Variants in MPHOSPH8 observed in about 807,000 individuals in gnomAD.
MPHOSPH8 encodes M-phase phosphoprotein, mpp.
MPHOSPH8 carries 45 observed loss-of-function variants against 87.3 expected under a neutral mutation model. That is an observed-to-expected ratio of 0.52 (90% CI 0.41 to 0.66). The LOEUF (loss-of-function observed/expected upper bound fraction) is 0.66, where lower values mean the gene tolerates loss of function less well. Ranked by LOEUF, MPHOSPH8 falls within the 30% of genes least tolerant of loss-of-function variation. MPHOSPH8 has a pLI of 0.00. For missense variants in MPHOSPH8, 883 were observed against 1,020.2 expected (o/e 0.87, Z 1.83); for synonymous variants, 366 against 376.9 (o/e 0.97, Z 0.33).
In MPHOSPH8 at chr13:19,659,740, T is replaced by G. The variant is rs373739984; in HGVS notation, c.1791+451T>G. ...GAACCCTATAAATGTACAATTATAGTCCCTTTAATTCCAACCCCCTCCCCT... is the reference window on the plus strand; with the variant it reads ...GAACCCTATAAATGTACAATTATAGGCCCTTTAATTCCAACCCCCTCCCCT... On this transcript the variant is annotated intron_variant, in intron 7 of 13. Coordinates refer to ENST00000361479, the MANE Select transcript of MPHOSPH8 (RefSeq NM_017520.4). The G allele has an allele frequency of 2.2e-5, 8 of 367,336 alleles. No homozygotes were observed. In the East Asian group the frequency reaches 3.8e-4, roughly 17 times the overall value. The allele number at this position is 367,336 out of a possible 1,614,324, so 22.8% of individuals were successfully genotyped here. A position where few individuals can be genotyped will look rare whatever the true frequency, so the allele number is the denominator to read the frequency against.
chr13:19,653,185 G>A (rs955452423), intron 5 of MPHOSPH8, among the ~76,000 whole-genome samples: 11 of 152,290 alleles, frequency 7.2e-5, no homozygotes, highest in East Asian at 3.9e-4. Context: ...GGAGAGCTCC[G>A]GCTGGCATCT....
intron 9 of MPHOSPH8, among the ~76,000 whole-genome samples, chr13:19,665,527 T>TGCA (rs1875766024): frequency 6.6e-6 from 1 of 152,146 alleles, no homozygotes; most frequent in African/African-American, 2.4e-5. Context: ...CCCTAACCTC[T>TGCA]GCACTGGATG....
intron 8 of MPHOSPH8, among the ~76,000 whole-genome samples, chr13:19,662,536 A>G (rs1364302529): frequency 6.6e-6 from 1 of 152,334 alleles, no homozygotes; most frequent in African/African-American, 2.4e-5. Flanking sequence ...CACCGCACCC[A>G]GCTGGAGTAA....
intron 5 of MPHOSPH8, among the ~76,000 whole-genome samples, chr13:19,650,746 G>A (rs1261266906): frequency 8.3e-6 from 1 of 120,464 alleles, no homozygotes; most frequent in African/African-American, 2.5e-5. Flanking sequence ...GTACATACAT[G>A]TTTATAACTA....
At chr13:19,669,394 GT>G (rs1216161219) in intron 11 of MPHOSPH8, among the ~76,000 whole-genome samples, 2 of 152,002 alleles carry the variant, frequency 1.3e-5, no homozygotes, top group Non-Finnish European at 2.9e-5. Flanking sequence ...GCATTGCCAG[GT>G]ATGAGTACCA....
In MPHOSPH8 at chr13:19,670,244, A is replaced by G. The variant is rs1301871728; in HGVS notation, c.2338A>G (p.Ile780Val). ...PPQNIPEGSG[I>V]LLFIFHANFL... ...ACATCTCCCATTTTCAGGCTCTGGCATCCTGCTGTTTATCTTCCATGCAAA... is the reference window on the plus strand; with the variant it reads ...ACATCTCCCATTTTCAGGCTCTGGCGTCCTGCTGTTTATCTTCCATGCAAA... Residue 780 changes from isoleucine (I) to valine (V), a missense_variant, in exon 12 of 14, where the codon ATC becomes GTC. By Grantham distance (29) the Ile-to-Val change is conservative. Transcript: ENST00000361479. The G allele has an allele frequency of 6.2e-7, 1 of 1,614,152 alleles. No homozygotes were observed. The highest frequency in any genetic ancestry group is 1.7e-5 in the Admixed American group (1 of 60,032).
chr13:19,654,668 G>T (rs964117896), intron 5 of MPHOSPH8, among the ~76,000 whole-genome samples: 1 of 152,142 alleles, frequency 6.6e-6, no homozygotes, highest in East Asian at 1.9e-4. Flanking sequence ...ATAAGAAAAG[G>T]CCGGGCGCAG....
intron 1 of MPHOSPH8, 75 bp from the exon 2 acceptor site, chr13:19,642,040 G>GTT (rs35022508): frequency 0.44 from 240,317 of 547,824 alleles, 36,793 homozygotes; most frequent in Admixed American, 0.61. Flanking sequence ...CTTCTCATCA[G>GTT]TTTTTTTTTT....
Position 19,672,125 on chromosome 13 carries a change from A to C in MPHOSPH8, c.*250A>C, listed in dbSNP as rs540452593. On this transcript the variant is annotated 3_prime_UTR_variant, in exon 14 of 14. Transcript: ENST00000361479. ...AATGTGGATAGTACATATGAGGATT[A>C]TTTAAGAAAATTAAAGACTTCACTT... is the stretch of plus-strand genomic sequence containing the variant. The C allele has an allele frequency of 1.1e-4, 47 of 435,558 alleles. No individual in the cohort carries two copies. Among genetic ancestry groups the C allele is most frequent in the African/African-American group, 9.3e-4 (47 of 50,602 alleles). The allele number at this position is 435,558 out of a possible 1,614,324, so 27.0% of individuals were successfully genotyped here.
intron 1 of MPHOSPH8, among the ~76,000 whole-genome samples, chr13:19,639,317 T>TC (rs982676971): frequency 1.1e-4 from 17 of 151,588 alleles, no homozygotes; most frequent in African/African-American, 4.1e-4. Flanking sequence ...ATGTCTTTTT[T>TC]TTTTTTCTTT....
Position 19,673,295 on chromosome 13 carries a change from C to T in MPHOSPH8, c.*1420C>T, listed in dbSNP as rs1876259815. 2.8e-6 allele frequency: 1 copy of T among 358,350 alleles called. No homozygotes were observed. The highest frequency in any genetic ancestry group is 4.1e-4 in the Middle Eastern group (1 of 2,468). The allele number at this position is 358,350 out of a possible 1,614,324, so 22.2% of individuals were successfully genotyped here. On this transcript the variant is annotated 3_prime_UTR_variant, in exon 14 of 14. Coordinates refer to ENST00000361479, the MANE Select transcript of MPHOSPH8 (RefSeq NM_017520.4). Reference sequence around the variant, plus strand: ...TGGAGAAGTTGAAAATTGTTTTGTTCCTCATTAGTTTATAATTGTATGAAA... The same window carrying T: ...TGGAGAAGTTGAAAATTGTTTTGTTTCTCATTAGTTTATAATTGTATGAAA...
intron 10 of MPHOSPH8, 149 bp downstream of exon 10, chr13:19,666,728 T>C: frequency 3.3e-6 from 2 of 608,496 alleles, no homozygotes; most frequent in South Asian, 1.2e-4. Context: ...GATCACAGAT[T>C]TAATAAATGG....
intron 5 of MPHOSPH8, 132 bp from the exon 6 acceptor site, chr13:19,658,863 C>T: frequency 9.2e-7 from 1 of 1,086,482 alleles, no homozygotes; most frequent in Non-Finnish European, 1.3e-6. Flanking sequence ...ATTAAAAGAC[C>T]CCATTATACA....
chr13:19,668,622 T>G, intron 11 of MPHOSPH8, 91 bp downstream of exon 11: 1 of 1,335,406 alleles, frequency 7.5e-7, no homozygotes, highest in Non-Finnish European at 1.0e-6. Context: ...GGAACAAAAC[T>G]TTAAGGAAAT....
In MPHOSPH8 at chr13:19,659,783, G is replaced by C. The variant is rs113683056; in HGVS notation, c.1791+494G>C. 1,552 of 294,390 alleles carry C rather than the reference G, an allele frequency of 5.3e-3. 12 individuals carry two copies. The highest frequency in any genetic ancestry group is 7.9e-3 in the Non-Finnish European group (1,157 of 145,540). The allele number at this position is 294,390 out of a possible 1,614,324, so 18.2% of individuals were successfully genotyped here. On this transcript the variant is annotated intron_variant, in intron 7 of 13. Transcript: ENST00000361479. Reference sequence around the variant, plus strand: ...CCTCCCCTCTAAAAGTGATGGTTTGGTTTGGTTATGGTCTACCTGTTTTGT... The same window carrying C: ...CCTCCCCTCTAAAAGTGATGGTTTGCTTTGGTTATGGTCTACCTGTTTTGT...
Position 19,668,396 on chromosome 13 carries a change from G to C in MPHOSPH8, c.2194G>C (p.Glu732Gln). 1 of 1,613,716 alleles carries C rather than the reference G, an allele frequency of 6.2e-7. No homozygotes were observed. The highest frequency in any genetic ancestry group is 8.5e-7 in the Non-Finnish European group (1 of 1,179,866). The change falls in exon 11 of 14, where the codon GAG becomes CAG. Residue 732 changes from glutamate to glutamine, a missense_variant. Transcript: ENST00000361479. ...HLETLSRVAE[E>Q]TIKDYFEARL... is the part of the protein sequence containing the mutation. ...TCTTAGACTTTCAAGAGTAGCAGAA[G>C]AGACAATAAAGGATTACTTTGAAGC...
chr13:19,653,361 G>A (rs1874966020), intron 5 of MPHOSPH8, among the ~76,000 whole-genome samples: 1 of 152,126 alleles, frequency 6.6e-6, no homozygotes. Context: ...AAACAGAAAG[G>A]AATAGCATCA....
Position 19,663,153 on chromosome 13 carries a change from T to G in MPHOSPH8, c.2019+27T>G, listed in dbSNP as rs771112028. 9 of 1,583,166 alleles carry G rather than the reference T, an allele frequency of 5.7e-6. No homozygotes were observed. In the African/African-American group the frequency reaches 8.1e-5, roughly 14 times the overall value. On this transcript the variant is annotated intron_variant, in intron 9 of 13. Transcript: ENST00000361479. ...TAAATCCCTCCTGCAGGTCATCCCT[T>G]TCTTCACTACGTTGGCAGGTGCTCG...
intron 9 of MPHOSPH8, 28 bp from the exon 10 acceptor site, chr13:19,666,397 A>T: frequency 1.3e-6 from 2 of 1,584,366 alleles, no homozygotes; most frequent in Non-Finnish European, 1.7e-6. Flanking sequence ...ACAGCTAAGT[A>T]ATTGTTACTC....
Sources: allele counts gnomAD v4.1 joint callset (sites outside exome capture counted in the v4.1 genomes callset), GRCh38; gene constraint gnomAD v4.1.1; transcripts MANE v1.5; gene names NCBI Gene and HGNC (gene_info 2026-07-23, HGNC 2026-07-21).